Variants in SLC41A2 observed in about 807,000 individuals in gnomAD.
SLC41A2 encodes the protein solute carrier family 41 member 2, also known as SLC41A1-like 1.
A neutral mutation model predicts 58.3 loss-of-function variants in SLC41A2; 32 were observed. The ratio of observed to expected loss-of-function variants is 0.55; its 90% CI spans 0.41 to 0.74. The LOEUF (loss-of-function observed/expected upper bound fraction) is 0.74, where lower values mean the gene tolerates loss of function less well. SLC41A2 is among the 30% of genes least tolerant of loss of function. The probability of loss-of-function intolerance (pLI) is 0.00; values close to 1 mark genes in which losing one functional copy is unlikely to be tolerated. For missense variants in SLC41A2, 514 were observed against 680.6 expected (o/e 0.76, Z 2.72); for synonymous variants, 190 against 235.0 (o/e 0.81, Z 1.75).
In SLC41A2 at chr12:104,944,870, T is replaced by TAAAA. The variant is rs60609201; in HGVS notation, c.-168+13214_-168+13217dup. Among the ~76,000 whole-genome samples the TAAAA allele has an allele frequency of 1.4e-4, 19 of 136,148 alleles. No individual in the cohort carries two copies. In the East Asian group the frequency reaches 1.7e-3, roughly 12 times the overall value. 89.3% of individuals were successfully genotyped at this position (136,148 alleles called of 152,430 possible). ...TCATAAGAGTAATATGTATTCAATG[T>TAAAA]AAAAAAAAAAAAAAAGGTCAGGCAT... On this transcript the variant is annotated intron_variant, in intron 1 of 10. Coordinates refer to ENST00000258538, the MANE Select transcript of SLC41A2 (RefSeq NM_001352171.3).
intron 1 of SLC41A2, among the ~76,000 whole-genome samples, chr12:104,948,840 G>C (rs894439919): frequency 2.0e-5 from 3 of 152,218 alleles, no homozygotes. Flanking sequence ...TATTGCTCAA[G>C]AATGGAAACA....
At position 104,805,196 on chromosome 12, in the gene SLC41A2, A is replaced by G; in HGVS notation, c.1678T>C (p.Phe560Leu). 6.2e-7 allele frequency: 1 copy of G among 1,613,536 alleles called. No individual in the cohort carries two copies. Among genetic ancestry groups the G allele is most frequent in the Middle Eastern group, 1.7e-4 (1 of 6,042 alleles). The change falls in exon 11 of 11, where the codon TTT becomes CTT. Residue 560 changes from phenylalanine to leucine, a missense_variant. Physicochemically the swap from Phe to Leu is conservative, Grantham distance 22. Around this residue, in one of 3 missense-constraint regions of SLC41A2, gnomAD observed 128 missense variants for 146.0 expected, o/e 0.88. Transcript: ENST00000258538. ...GTALLALSFH[F>L]LWLIGDRDGD... ...TCTCGATCTCCAATAAGCCAAAGAA[A>G]ATGAAAACTTAAGGCTAACAGAGCT...
intron 6 of SLC41A2, among the ~76,000 whole-genome samples, chr12:104,878,810 T>A (rs191177915): frequency 2.6e-5 from 4 of 152,198 alleles, no homozygotes; most frequent in Non-Finnish European, 4.4e-5. Flanking sequence ...TGATTTATAA[T>A]CCTTTGGGTA....
chr12:104,807,022 T>G (rs1320135957), intron 10 of SLC41A2, among the ~76,000 whole-genome samples: 1 of 152,252 alleles, frequency 6.6e-6, no homozygotes, highest in African/African-American at 2.4e-5. Context: ...GGTTGCTTGT[T>G]CACTCTGATG....
At chr12:104,892,717 T>C (rs1267200672) in intron 4 of SLC41A2, among the ~76,000 whole-genome samples, 2 of 152,176 alleles carry the variant, frequency 1.3e-5, no homozygotes, top group Non-Finnish European at 2.9e-5. Flanking sequence ...TACAGTGAAC[T>C]CATTTTTGCC....
intron 10 of SLC41A2, among the ~76,000 whole-genome samples, chr12:104,822,623 A>G (rs1291796257): frequency 6.6e-6 from 1 of 152,176 alleles, no homozygotes; most frequent in Non-Finnish European, 1.5e-5. Flanking sequence ...AAAACAAAAA[A>G]TAGCCCCATG....
intron 2 of SLC41A2, among the ~76,000 whole-genome samples, chr12:104,916,606 G>C (rs2046334760): frequency 6.6e-6 from 1 of 151,840 alleles, no homozygotes; most frequent in South Asian, 2.1e-4. Flanking sequence ...AAACAGCATG[G>C]TACTGGTACC....
intron 10 of SLC41A2, among the ~76,000 whole-genome samples, chr12:104,842,990 A>G (rs905905536): frequency 6.6e-6 from 1 of 152,078 alleles, no homozygotes; most frequent in Non-Finnish European, 1.5e-5. Context: ...TCTTTTTCAC[A>G]ATAGTTACAC....
intron 1 of SLC41A2, among the ~76,000 whole-genome samples, chr12:104,950,540 A>ACTATATTTCTTTATAGT (rs2047913210): frequency 6.6e-6 from 1 of 152,108 alleles, no homozygotes; most frequent in Non-Finnish European, 1.5e-5. Context: ...TCTTTATAGC[A>ACTATATTTCTTTATAGT]CTGTGAGAAC....
chr12:104,876,024 T>C (rs984312480), intron 6 of SLC41A2, among the ~76,000 whole-genome samples: 6 of 152,208 alleles, frequency 3.9e-5, no homozygotes, highest in Non-Finnish European at 5.9e-5. Flanking sequence ...CTGGCAGGTA[T>C]ATGTTTCTAA....
intron 10 of SLC41A2, among the ~76,000 whole-genome samples, chr12:104,824,958 T>G (rs1032675730): frequency 6.6e-6 from 1 of 152,170 alleles, no homozygotes; most frequent in African/African-American, 2.4e-5. Context: ...TTCCTGCGGG[T>G]AAGAGGCTCT....
chr12:104,850,289 A>G (rs2042751089), intron 8 of SLC41A2, among the ~76,000 whole-genome samples: 1 of 152,152 alleles, frequency 6.6e-6, no homozygotes, highest in South Asian at 2.1e-4. Context: ...TTCTTTGCTT[A>G]ATAATTTAGG....
intron 10 of SLC41A2, among the ~76,000 whole-genome samples, chr12:104,815,112 A>C (rs1298405202): frequency 1.3e-5 from 2 of 152,132 alleles, no homozygotes; most frequent in Non-Finnish European, 2.9e-5. Context: ...ACATAGTTCA[A>C]GCGGGTTTAA....
intron 1 of SLC41A2, among the ~76,000 whole-genome samples, chr12:104,950,481 T>C (rs1211013794): frequency 6.6e-6 from 1 of 152,200 alleles, no homozygotes; most frequent in Non-Finnish European, 1.5e-5. Context: ...TGTGGAACTG[T>C]GAGTCAATTA....
intron 10 of SLC41A2, among the ~76,000 whole-genome samples, chr12:104,842,752 T>C (rs1211076666): frequency 6.6e-6 from 1 of 152,100 alleles, no homozygotes; most frequent in African/African-American, 2.4e-5. Context: ...ACAGTGGATA[T>C]ATGTTGAAAT....
chr12:104,898,066 G>A (rs1359701386), intron 3 of SLC41A2, among the ~76,000 whole-genome samples: 2 of 152,170 alleles, frequency 1.3e-5, no homozygotes, highest in Non-Finnish European at 2.9e-5. Flanking sequence ...GCATGATCTA[G>A]TAAAGACTTC....
intron 2 of SLC41A2, among the ~76,000 whole-genome samples, chr12:104,917,920 T>C (rs1236381671): frequency 6.7e-6 from 1 of 149,698 alleles, no homozygotes; most frequent in Non-Finnish European, 1.5e-5. Flanking sequence ...CATGTATACA[T>C]ATGTAACTAA....
chr12:104,927,873 C>T lies in SLC41A2; in HGVS notation c.555+100G>A, dbSNP rs986014068. On this transcript the variant is annotated intron_variant, in intron 2 of 10. Transcript: ENST00000258538. ...CATTTTACCAAGGGATAAATTAAAT[C>T]TAAAGTGAATGTTTGAGAGTAGTAA... 1.0e-5 allele frequency: 11 copies of T among 1,085,624 alleles called. No homozygotes were observed. In the African/African-American group the frequency reaches 1.8e-4, roughly 17 times the overall value. The allele number at this position is 1,085,624 out of a possible 1,614,324, so 67.2% of individuals were successfully genotyped here.
At chr12:104,839,683 T>G (rs1042196441) in intron 10 of SLC41A2, among the ~76,000 whole-genome samples, 13 of 152,034 alleles carry the variant, frequency 8.6e-5, no homozygotes, top group East Asian at 7.7e-4. Flanking sequence ...TTTTGTATTT[T>G]TAGTAGAGAT....
Sources: gnomAD v4.1 joint callset for allele counts (sites outside exome capture counted in the v4.1 genomes callset) on GRCh38, gnomAD v4.1.1 for gene constraint, gnomAD v4.1.1 regional missense constraint, MANE v1.5 for transcripts, NCBI Gene and HGNC (gene_info 2026-07-23, HGNC 2026-07-21) for gene names.